TSHZ2: variants seen among roughly 807,000 people sequenced by gnomAD.
TSHZ2 encodes teashirt homolog 2.
A neutral mutation model predicts 74.4 loss-of-function variants in TSHZ2; 21 were observed. That is an observed-to-expected ratio of 0.28 (90% confidence interval 0.20 to 0.41). The LOEUF is 0.41. Ranked by LOEUF, TSHZ2 falls within the 10% of genes least tolerant of loss-of-function variation. TSHZ2 has a pLI of 1.00. For missense variants in TSHZ2, 1,244 were observed against 1,293.5 expected, an observed-to-expected ratio of 0.96 and a Z score of 0.59; for synonymous variants, 540 against 515.3, an observed-to-expected ratio of 1.05 and a Z score of -0.65.
At chr20:53,479,409 A>G (rs749082628) in intron 2 of TSHZ2, among the ~76,000 whole-genome samples, 1 of 152,194 alleles carries the variant, frequency 6.6e-6, no homozygotes, top group Admixed American at 6.5e-5. Flanking sequence ...TGAGGCAGTC[A>G]GATGTGCGCC....
chr20:53,253,041 G>A (rs1050753956), intron 1 of TSHZ2, among the ~76,000 whole-genome samples: 1 of 151,996 alleles, frequency 6.6e-6, no homozygotes, highest in African/African-American at 2.4e-5. Context: ...ATGGTTATAT[G>A]CCAATATATC....
intron 1 of TSHZ2, among the ~76,000 whole-genome samples, chr20:53,120,404 G>T (rs1165450009): frequency 1.3e-5 from 2 of 151,950 alleles, no homozygotes; most frequent in Non-Finnish European, 2.9e-5. Flanking sequence ...CAACTATTTT[G>T]TATCTTTAAA....
At chr20:53,381,246 C>A (rs2145639848) in intron 2 of TSHZ2, among the ~76,000 whole-genome samples, 1 of 152,348 alleles carries the variant, frequency 6.6e-6, no homozygotes. Context: ...CCCCATCACT[C>A]ACTTTAGCAG....
At chr20:53,051,457 G>GCACACACGCA (rs1555819559) in intron 1 of TSHZ2, among the ~76,000 whole-genome samples, 3 of 145,100 alleles carry the variant, frequency 2.1e-5, no homozygotes, top group African/African-American at 7.5e-5. Context: ...TGTGGCGCAC[G>GCACACACGCA]CACACACACA....
chr20:53,181,937 A>T lies in TSHZ2; in HGVS notation c.41-71562A>T, dbSNP rs538838136. Among the ~76,000 whole-genome samples, 7 of 152,330 alleles carry T rather than the reference A, an allele frequency of 4.6e-5. No homozygotes were observed. The South Asian group carries it at 1.5e-3, about 32-fold the overall frequency. On this transcript the variant is annotated intron_variant, in intron 1 of 2. Coordinates refer to ENST00000371497, the MANE Select transcript of TSHZ2 (RefSeq NM_173485.6). The stretch of plus-strand genomic sequence containing the variant: ...AGCAAAACATGGTTTTAAAAAAATT[A>T]AATGAATGAAATAGGTGAAGAAGTG...
intron 1 of TSHZ2, among the ~76,000 whole-genome samples, chr20:53,121,164 A>G: frequency 6.6e-6 from 1 of 152,180 alleles, no homozygotes; most frequent in East Asian, 1.9e-4. Context: ...GTTTACAGGT[A>G]GTTCTTTTAC....
chr20:53,445,247 T>C (rs990376693), intron 2 of TSHZ2, among the ~76,000 whole-genome samples: 8 of 152,210 alleles, frequency 5.3e-5, no homozygotes, highest in African/African-American at 1.9e-4. Context: ...TGATTCATAT[T>C]GGGTGCTCTT....
chr20:53,273,259 A>G (rs1039997556), intron 2 of TSHZ2: 4 of 152,306 alleles, frequency 2.6e-5, no homozygotes, highest in African/African-American at 9.6e-5. Context: ...CTGGGAAGCC[A>G]TTGAAGCAGC....
chr20:53,256,369 A>T lies in TSHZ2; in HGVS notation c.2911A>T (p.Ile971Phe). The T allele has an allele frequency of 6.2e-7, 1 of 1,613,276 alleles. No homozygotes were observed. Among genetic ancestry groups the T allele is most frequent in the South Asian group, 1.1e-5 (1 of 91,036 alleles). Reference protein sequence around the residue: ...VDQQSKVEQEISRVSSAQRSP... With the variant: ...VDQQSKVEQEFSRVSSAQRSP... ...CCAGCAAAGCAAGGTGGAGCAAGAG[A>T]TCTCCCGGGTATCGTCGGCTCAGAG... Residue 971 changes from isoleucine (I) to phenylalanine (F), a missense_variant, in exon 2 of 3, where the codon ATC becomes TTC. Coordinates refer to ENST00000371497, the MANE Select transcript of TSHZ2 (RefSeq NM_173485.6). The surrounding 1 kb of genome is among the most constrained non-coding windows in gnomAD (Gnocchi z 4.3).
At chr20:53,334,201 G>T (rs776466118) in intron 2 of TSHZ2, among the ~76,000 whole-genome samples, 1 of 152,104 alleles carries the variant, frequency 6.6e-6, no homozygotes, top group African/African-American at 2.4e-5. Flanking sequence ...GTCATGGAAT[G>T]TATCAGATAG....
rs368884253 is a variant in TSHZ2, at chr20:53,256,378, G to C, written c.2920G>C (p.Val974Leu). 1 of 1,613,328 alleles carries C rather than the reference G, an allele frequency of 6.2e-7. No homozygotes were observed. Among genetic ancestry groups the C allele is most frequent in the Non-Finnish European group, 8.5e-7 (1 of 1,179,326 alleles). The change falls in exon 2 of 3, where the codon GTA (valine) becomes CTA (leucine). Residue 974 changes from valine to leucine, a missense_variant. Physicochemically the swap from Val to Leu is conservative, Grantham distance 32. Transcript: ENST00000371497. The surrounding 1 kb of genome is among the most constrained non-coding windows in gnomAD (Gnocchi z 4.3). ...QSKVEQEISR[V>L]SSAQRSPETI... ...CAAGGTGGAGCAAGAGATCTCCCGGGTATCGTCGGCTCAGAGGTCTCCAGA... is the reference window on the plus strand; with the variant it reads ...CAAGGTGGAGCAAGAGATCTCCCGGCTATCGTCGGCTCAGAGGTCTCCAGA...
chr20:53,363,267 G>C (rs1309751123), intron 2 of TSHZ2, among the ~76,000 whole-genome samples: 4 of 152,184 alleles, frequency 2.6e-5, no homozygotes, highest in Non-Finnish European at 5.9e-5. Flanking sequence ...ATCATCTTCT[G>C]CATCAGCTAC....
At chr20:53,188,385 T>C (rs1988651529) in intron 1 of TSHZ2, among the ~76,000 whole-genome samples, 1 of 152,202 alleles carries the variant, frequency 6.6e-6, no homozygotes, top group South Asian at 2.1e-4. Context: ...CAATGTTCAG[T>C]GTAAAATCTA....
chr20:53,339,116 A>T (rs1378125620), intron 2 of TSHZ2, among the ~76,000 whole-genome samples: 5 of 152,208 alleles, frequency 3.3e-5, no homozygotes, highest in African/African-American at 1.2e-4. Flanking sequence ...TAAATACCTC[A>T]GTCCACAAGC....
At chr20:53,315,784 T>C (rs1024867725) in intron 2 of TSHZ2, among the ~76,000 whole-genome samples, 1 of 152,182 alleles carries the variant, frequency 6.6e-6, no homozygotes, top group Non-Finnish European at 1.5e-5. Context: ...AAATAACTAA[T>C]CCATTATAAT....
intron 2 of TSHZ2, among the ~76,000 whole-genome samples, chr20:53,325,669 GTTGTTTGT>G (rs11474480): frequency 3.3e-5 from 5 of 151,620 alleles, no homozygotes; most frequent in African/African-American, 4.8e-5. Context: ...TGCTTTGTTT[GTTGTTTGT>G]TTGTTTGTTT....
intron 1 of TSHZ2, among the ~76,000 whole-genome samples, chr20:53,053,656 G>T (rs1235880269): frequency 1.3e-5 from 2 of 152,068 alleles, no homozygotes; most frequent in African/African-American, 4.8e-5. Flanking sequence ...CAATAGGAGG[G>T]ATAACAACCG....
At chr20:53,248,179 TC>T (rs1313059470) in intron 1 of TSHZ2, among the ~76,000 whole-genome samples, 1 of 152,036 alleles carries the variant, frequency 6.6e-6, no homozygotes, top group Non-Finnish European at 1.5e-5. Flanking sequence ...CAAGTGATCC[TC>T]CCACCACAGC....
chr20:53,137,723 A>G (rs1480195464), intron 1 of TSHZ2, among the ~76,000 whole-genome samples: 1 of 151,998 alleles, frequency 6.6e-6, no homozygotes, highest in Admixed American at 6.6e-5. Context: ...AGCCCCTTTA[A>G]TCCATTCTTC....
Sources: gnomAD v4.1 joint callset for allele counts (sites outside exome capture counted in the v4.1 genomes callset) on GRCh38, gnomAD v4.1.1 for gene constraint, Gnocchi (gnomAD v3.1) non-coding constraint, MANE v1.5 for transcripts, NCBI Gene and HGNC (gene_info 2026-07-23, HGNC 2026-07-21) for gene names.